Variants in CUX1 observed in about 807,000 individuals in gnomAD.
CUX1 encodes cut like homeobox 1.
CUX1 carries 31 observed loss-of-function variants against 158.8 expected under a neutral mutation model. That is an observed-to-expected ratio of 0.20 (90% CI 0.15 to 0.26). CUX1 has a LOEUF of 0.26. Ranked by LOEUF, CUX1 falls within the 10% of genes least tolerant of loss-of-function variation. The pLI, the probability that CUX1 is intolerant of heterozygous loss-of-function variation, is 1.00. For missense variants in CUX1, 1,589 were observed against 2,014.6 expected (o/e 0.79, Z 4.04); for synonymous variants, 879 against 862.1 (o/e 1.02, Z -0.34).
chr7:102,071,454 G>C (rs567868610), intron 4 of CUX1, among the ~76,000 whole-genome samples: 2 of 152,210 alleles, frequency 1.3e-5, no homozygotes, highest in South Asian at 4.2e-4. Flanking sequence ...TAACTATGTG[G>C]GGCCCAGCTC....
At position 102,201,373 on chromosome 7, in the gene CUX1, G is replaced by A. The variant is rs1389328598; in HGVS notation, c.2076G>A (p.Gln692=). Residue 692 remains glutamine (Q), a synonymous_variant, in exon 18 of 24, where the codon CAG becomes CAA. Transcript: ENST00000292535. The surrounding 1 kb of genome is among the most constrained non-coding windows in gnomAD (Gnocchi z 5.0). ...LQVQKTAEPA[Q]PSSASGSGNS... The stretch of plus-strand genomic sequence containing the variant: ...TTCTCCATGCAGCAGAGCCGGCCCA[G>A]CCTTCCTCCGCATCCGGCAGCGGGA... The A allele has an allele frequency of 1.2e-6, 2 of 1,613,402 alleles. No homozygotes were observed. The highest frequency in any genetic ancestry group is 1.1e-5 in the South Asian group (1 of 91,046).
At chr7:102,015,010 G>T (rs563313415) in intron 2 of CUX1, among the ~76,000 whole-genome samples, 3 of 152,066 alleles carry the variant, frequency 2.0e-5, no homozygotes, top group Non-Finnish European at 2.9e-5. Context: ...TTTACCCATC[G>T]TTCATTATTA....
At chr7:102,216,627 A>C (rs1391502621) in intron 20 of CUX1, among the ~76,000 whole-genome samples, 1 of 96,450 alleles carries the variant, frequency 1.0e-5, no homozygotes. Context: ...CCCCACACAC[A>C]CACCCCCACA....
chr7:102,045,076 C>G (rs1209402006), intron 3 of CUX1, among the ~76,000 whole-genome samples: 2 of 152,132 alleles, frequency 1.3e-5, no homozygotes, highest in African/African-American at 2.4e-5. Flanking sequence ...TGGCAAAACC[C>G]GCAAGCCTGA....
intron 8 of CUX1, among the ~76,000 whole-genome samples, chr7:102,120,833 G>A (rs1427308326): frequency 3.3e-4 from 51 of 152,294 alleles, no homozygotes; most frequent in African/African-American, 1.1e-3. Flanking sequence ...GGAGACTGAG[G>A]TGGGAGGATC....
Position 102,281,743 on chromosome 7 carries a change from C to G in CUX1, c.1822-97C>G, listed in dbSNP as rs1792083465. The G allele has an allele frequency of 1.5e-5, 12 of 803,206 alleles. No homozygotes were observed. In the East Asian group the frequency reaches 3.1e-4, roughly 21 times the overall value. The allele number at this position is 803,206 out of a possible 1,614,324, so 49.8% of individuals were successfully genotyped here. On this transcript the variant is annotated intron_variant, in intron 20 of 22. Coordinates refer to the CUX1 transcript ENST00000292538. ...GCCCCAGCTTCCTGTCCCTTCCCTC[C>G]CCTTGCCACCCTAGGGCCCTTTCTG...
In CUX1 at chr7:102,070,350, G is replaced by A. The variant is rs1432569038; in HGVS notation, c.201G>A (p.Leu67=). 1.2e-6 allele frequency: 2 copies of A among 1,608,826 alleles called. No individual in the cohort carries two copies. The change falls in exon 4 of 24, where the codon CTG becomes CTA. Residue 67 remains leucine, a synonymous_variant. Coordinates refer to ENST00000292535, the MANE Select transcript of CUX1 (RefSeq NM_181552.4). ...LKSFQGEIDA[L]SKRSKEAEAA... ...TCCTTCCCTTTCAGATTGATGCACTGAGTAAAAGAAGCAAGGAAGCTGAAG... is the reference window on the plus strand; with the variant it reads ...TCCTTCCCTTTCAGATTGATGCACTAAGTAAAAGAAGCAAGGAAGCTGAAG...
intron 1 of CUX1, among the ~76,000 whole-genome samples, chr7:101,901,226 G>A (rs976272862): frequency 6.6e-6 from 1 of 151,972 alleles, no homozygotes; most frequent in Non-Finnish European, 1.5e-5. Context: ...AAGAAACAGG[G>A]CTATACAAAA....
At chr7:102,167,221 T>TCATA (rs1791138912) in intron 9 of CUX1, among the ~76,000 whole-genome samples, 1 of 148,778 alleles carries the variant, frequency 6.7e-6, no homozygotes, top group South Asian at 2.1e-4. Context: ...TGAGCCAAAA[T>TCATA]CATACCGCTG....
chr7:102,219,860 T>G (rs1433808043), intron 20 of CUX1, among the ~76,000 whole-genome samples: 1 of 152,196 alleles, frequency 6.6e-6, no homozygotes, highest in Non-Finnish European at 1.5e-5. Flanking sequence ...CGATGTCTAA[T>G]GGAGATGGAG....
chr7:101,946,811 G>A (rs940716891), intron 2 of CUX1, among the ~76,000 whole-genome samples: 1 of 152,208 alleles, frequency 6.6e-6, no homozygotes. Flanking sequence ...TTCATACTCA[G>A]TTCAGCAGAC....
intron 1 of CUX1, among the ~76,000 whole-genome samples, chr7:101,885,708 C>T (rs1237473594): frequency 2.0e-5 from 3 of 152,174 alleles, no homozygotes; most frequent in Non-Finnish European, 2.9e-5. Flanking sequence ...TGGCCTCGGA[C>T]GACTTCCTCT....
At chr7:101,931,555 G>C (rs1806291903) in intron 2 of CUX1, among the ~76,000 whole-genome samples, 1 of 152,164 alleles carries the variant, frequency 6.6e-6, no homozygotes, top group South Asian at 2.1e-4. Context: ...TAGGCCCACA[G>C]GTGGCAAAGC....
At chr7:102,169,959 C>T (rs1563343829) in intron 9 of CUX1, among the ~76,000 whole-genome samples, 1 of 152,154 alleles carries the variant, frequency 6.6e-6, no homozygotes, top group Non-Finnish European at 1.5e-5. Flanking sequence ...GCATTTACAT[C>T]CTGTACGTTT....
intron 3 of CUX1, among the ~76,000 whole-genome samples, chr7:102,047,476 G>A (rs1301797458): frequency 6.7e-6 from 1 of 148,360 alleles, no homozygotes; most frequent in Non-Finnish European, 1.5e-5. Context: ...TAGAGCTATG[G>A]ATGGATGAAG....
chr7:102,234,922 C>CA lies in CUX1; in HGVS notation c.3622+694dup, dbSNP rs377426981. The stretch of plus-strand genomic sequence containing the variant: ...TGGGTGACAGACCATGACCCTATCT[C>CA]AAAAAAAAAAAATGCATTTTGTAGA... On this transcript the variant is annotated intron_variant, in intron 22 of 23. Transcript: ENST00000292535. 4.0e-3 allele frequency among the ~76,000 whole-genome samples: 576 copies of CA among 145,206 alleles called. 7 individuals are homozygous for CA. The highest frequency in any genetic ancestry group is 0.032 in the East Asian group (163 of 5,036).
At position 102,283,473 on chromosome 7, in the gene CUX1, A is replaced by C. The variant is rs544934060; in HGVS notation, c.*383A>C. On this transcript the variant is annotated 3_prime_UTR_variant, in exon 23 of 23. Coordinates refer to the CUX1 transcript ENST00000292538. ...CCAGCTTGGGCCTGTCTGCACTGCG[A>C]TCCTCTTGGGCTCTCCTAGGATCCC... is the stretch of plus-strand genomic sequence containing the variant. The C allele has an allele frequency of 5.1e-4, 128 of 248,614 alleles. 2 individuals are homozygous for C. Among genetic ancestry groups the C allele is most frequent in the African/African-American group, 2.8e-3 (127 of 46,082 alleles). 15.4% of individuals were successfully genotyped at this position (248,614 alleles called of 1,614,324 possible).
Position 102,251,232 on chromosome 7 carries a change from C to CT in CUX1, c.*2200dup, listed in dbSNP as rs535433695. On this transcript the variant is annotated 3_prime_UTR_variant, in exon 24 of 24. Coordinates refer to ENST00000292535, the MANE Select transcript of CUX1 (RefSeq NM_181552.4). ...TATTTCTTAAGTTTAATTAATATTA[C>CT]TTTTTTTTTTATTTGGGGGGTGGGA... The CT allele has an allele frequency of 1.3e-3, 938 of 708,084 alleles. No individual in the cohort carries two copies. Among genetic ancestry groups the CT allele is most frequent in the Non-Finnish European group, 1.4e-3 (853 of 600,376 alleles). The allele number at this position is 708,084 out of a possible 1,614,324, so 43.9% of individuals were successfully genotyped here. A position where few individuals can be genotyped will look rare whatever the true frequency, so the allele number is the denominator to read the frequency against.
chr7:101,817,545 C>G, upstream of CUX1: 1 of 1,276,388 alleles, frequency 7.8e-7, no homozygotes, highest in Non-Finnish European at 9.9e-7. This position sits in a 1 kb window ranked among gnomAD's most constrained non-coding sequence, Gnocchi z 4.1. Flanking sequence ...CCTGCCACCC[C>G]CCGCCCGGAG....
Sources: allele counts gnomAD v4.1 joint callset (sites outside exome capture counted in the v4.1 genomes callset), GRCh38; gene constraint gnomAD v4.1.1; non-coding constraint Gnocchi (gnomAD v3.1); transcripts MANE v1.5; gene names NCBI Gene and HGNC (gene_info 2026-07-23, HGNC 2026-07-21).